PPM1D: variants seen among roughly 807,000 people sequenced by gnomAD.
The protein encoded by PPM1D is protein phosphatase, Mg2+/Mn2+ dependent 1D.
In PPM1D, 52 loss-of-function variants were observed where a neutral mutation model predicts 58.3. The ratio of observed to expected loss-of-function variants is 0.89; its 90% CI spans 0.71 to 1.12. PPM1D has a LOEUF of 1.12. PPM1D is among the 50% of genes most tolerant of loss of function. PPM1D has a pLI of 0.00. For missense variants in PPM1D, 564 were observed against 777.2 expected (o/e 0.73, Z 3.26); for synonymous variants, 278 against 285.1 (o/e 0.98, Z 0.25).
At chr17:60,603,021 A>G (rs901923062) in intron 1 of PPM1D, among the ~76,000 whole-genome samples, 1 of 152,138 alleles carries the variant, frequency 6.6e-6, no homozygotes, top group African/African-American at 2.4e-5. Context: ...TTCAGGACAC[A>G]TGGAAATACT....
intron 3 of PPM1D, among the ~76,000 whole-genome samples, chr17:60,636,554 G>C (rs916466557): frequency 3.3e-5 from 5 of 152,154 alleles, no homozygotes; most frequent in African/African-American, 1.2e-4. Context: ...ATTCTAAATG[G>C]GATGGTCAGA....
intron 5 of PPM1D, among the ~76,000 whole-genome samples, chr17:60,660,327 AC>A (rs879361746): frequency 2.6e-5 from 4 of 151,116 alleles, no homozygotes; most frequent in Non-Finnish European, 5.9e-5. Context: ...CAAGAATGAA[AC>A]TCTGTCTCAA....
At chr17:60,634,882 G>A (rs2030993894) in intron 3 of PPM1D, among the ~76,000 whole-genome samples, 1 of 152,176 alleles carries the variant, frequency 6.6e-6, no homozygotes, top group Non-Finnish European at 1.5e-5. Context: ...CCAGGCTCAA[G>A]TGATCCTCCC....
rs908830790 is a variant in PPM1D, at chr17:60,656,772, C to G, written c.1191C>G (p.Asp397Glu). Residue 397 changes from aspartate (D) to glutamate (E), a missense_variant, in exon 5 of 6, where the codon GAC becomes GAG. By Grantham distance (45) the Asp-to-Glu change is conservative (BLOSUM62 2). Around this residue, in one of 7 missense-constraint regions of PPM1D, gnomAD observed 261 missense variants for 270.1 expected, o/e 0.97. Coordinates refer to ENST00000305921, the MANE Select transcript of PPM1D (RefSeq NM_003620.4). The stretch of plus-strand genomic sequence containing the variant: ...ATGAGTTATACCTGAACCTGACTGA[C>G]AGCCCTTCCTATAATAGTCAAGAAA... ...NEDELYLNLT[D>E]SPSYNSQETC... The G allele has an allele frequency of 1.5e-5, 25 of 1,614,110 alleles. No homozygotes were observed. The highest frequency in any genetic ancestry group is 2.1e-5 in the Non-Finnish European group (25 of 1,180,044).
At chr17:60,607,484 G>A (rs1204566899) in intron 1 of PPM1D, among the ~76,000 whole-genome samples, 1 of 152,132 alleles carries the variant, frequency 6.6e-6, no homozygotes, top group Non-Finnish European at 1.5e-5. Context: ...GTGAGACTCT[G>A]TCTCTGGGGT....
chr17:60,634,154 T>C (rs1417160464), intron 3 of PPM1D, among the ~76,000 whole-genome samples, 177 bp downstream of exon 3: 1 of 152,210 alleles, frequency 6.6e-6, no homozygotes, highest in African/African-American at 2.4e-5. Context: ...CTCACGCTTA[T>C]AATCCCAGCA....
chr17:60,612,290 A>G (rs563870015), intron 1 of PPM1D, among the ~76,000 whole-genome samples: 3 of 152,284 alleles, frequency 2.0e-5, no homozygotes, highest in Admixed American at 6.5e-5. Flanking sequence ...ATAATTTTAT[A>G]TACAGTCATA....
intron 5 of PPM1D, among the ~76,000 whole-genome samples, chr17:60,659,272 T>A (rs2031489382): frequency 6.6e-6 from 1 of 152,186 alleles, no homozygotes; most frequent in African/African-American, 2.4e-5. Context: ...TTTAGTAACA[T>A]AGAGATAAAT....
chr17:60,640,625 T>C (rs2031115173), intron 3 of PPM1D, among the ~76,000 whole-genome samples: 3 of 152,198 alleles, frequency 2.0e-5, no homozygotes, highest in African/African-American at 4.8e-5. Flanking sequence ...TGGGGTACGA[T>C]TGATTCCGTC....
intron 4 of PPM1D, 65 bp from the exon 5 acceptor site, chr17:60,656,534 T>C (rs1344657518): frequency 3.2e-6 from 5 of 1,560,890 alleles, no homozygotes; most frequent in East Asian, 2.3e-5. Flanking sequence ...TAATTTGATA[T>C]AGATACAGAT....
intron 4 of PPM1D, among the ~76,000 whole-genome samples, chr17:60,651,661 G>A (rs1193668740): frequency 1.3e-5 from 2 of 152,062 alleles, no homozygotes; most frequent in African/African-American, 4.8e-5. Context: ...CTCCCAAAGT[G>A]CTGGGATTAC....
intron 2 of PPM1D, 83 bp downstream of exon 2, chr17:60,623,832 T>C (rs2030752023): frequency 1.5e-6 from 2 of 1,318,554 alleles, no homozygotes; most frequent in Admixed American, 2.4e-5. Flanking sequence ...CCTACTACTG[T>C]CCCTTTTACT....
Position 60,666,028 on chromosome 17 carries a change from G to A in PPM1D, c.*2476G>A, listed in dbSNP as rs1393237431. Reference sequence around the variant, plus strand: ...ACAACGTGGGAGACTCCTACACAAGGCATGAATTCTAGGAGGTGGGCATTT... The same window carrying A: ...ACAACGTGGGAGACTCCTACACAAGACATGAATTCTAGGAGGTGGGCATTT... On this transcript the variant is annotated 3_prime_UTR_variant, in exon 6 of 6. Coordinates refer to ENST00000305921, the MANE Select transcript of PPM1D (RefSeq NM_003620.4). The A allele has an allele frequency of 6.6e-6, 1 of 152,160 alleles. No homozygotes were observed. Among genetic ancestry groups the A allele is most frequent in the Non-Finnish European group, 1.5e-5 (1 of 68,024 alleles). The allele number at this position is 152,160 out of a possible 1,614,324, so 9.4% of individuals were successfully genotyped here. A position where few individuals can be genotyped will look rare whatever the true frequency, so the allele number is the denominator to read the frequency against.
At chr17:60,603,094 C>T (rs1295506417) in intron 1 of PPM1D, among the ~76,000 whole-genome samples, 1 of 152,126 alleles carries the variant, frequency 6.6e-6, no homozygotes, top group South Asian at 2.1e-4. Flanking sequence ...AAAACTCAAA[C>T]AAAAATATAT....
At chr17:60,622,225 T>A (rs917374872) in intron 1 of PPM1D, among the ~76,000 whole-genome samples, 2 of 152,118 alleles carry the variant, frequency 1.3e-5, no homozygotes, top group South Asian at 4.1e-4. Flanking sequence ...TTACTGTCTT[T>A]ATTACTGATT....
chr17:60,630,043 A>T (rs1349144478), intron 2 of PPM1D, among the ~76,000 whole-genome samples: 1 of 150,314 alleles, frequency 6.7e-6, no homozygotes, highest in Non-Finnish European at 1.5e-5. Flanking sequence ...CTGTCTCAAA[A>T]AAAATAAAAT....
intron 1 of PPM1D, among the ~76,000 whole-genome samples, chr17:60,612,889 CCTT>C (rs1254983841): frequency 1.3e-5 from 2 of 152,126 alleles, no homozygotes; most frequent in East Asian, 1.9e-4. Flanking sequence ...ATTTACCACC[CCTT>C]CTTCTTTCAT....
At chr17:60,638,069 G>C (rs189185016) in intron 3 of PPM1D, among the ~76,000 whole-genome samples, 1 of 152,258 alleles carries the variant, frequency 6.6e-6, no homozygotes, top group Admixed American at 6.5e-5. Context: ...ATTGAAGAAA[G>C]AACTGTCTTC....
At chr17:60,626,939 T>C (rs1030216930) in intron 2 of PPM1D, among the ~76,000 whole-genome samples, 3 of 152,342 alleles carry the variant, frequency 2.0e-5, no homozygotes, top group Admixed American at 1.3e-4. Context: ...GTATTTCTTT[T>C]AATATTTATT....
Sources: gnomAD v4.1 joint callset for allele counts (sites outside exome capture counted in the v4.1 genomes callset) on GRCh38, gnomAD v4.1.1 for gene constraint, gnomAD v4.1.1 regional missense constraint, MANE v1.5 for transcripts, NCBI Gene and HGNC (gene_info 2026-07-23, HGNC 2026-07-21) for gene names.